Variants in GPN3 observed in about 807,000 individuals in gnomAD.
The protein encoded by GPN3 is GPN-loop GTPase 3.
A neutral mutation model predicts 38.7 loss-of-function variants in GPN3; 31 were observed. That is an observed-to-expected ratio of 0.80 (90% CI 0.60 to 1.08). GPN3 has a LOEUF of 1.08. GPN3 is among the 50% of genes least tolerant of loss of function. GPN3 has a pLI of 0.00. For missense variants in GPN3, 301 were observed against 354.4 expected (o/e 0.85, Z 1.21); for synonymous variants, 116 against 120.2 (o/e 0.96, Z 0.23).
In GPN3 at chr12:110,457,457, C is replaced by CAAAAAA. The variant is rs56713819; in HGVS notation, c.450+47_450+52dup. ...ACAGAGTAAGACTCTGTCACACACACAAAAAAAAAAAAAAAAAAAAAAAAA... is the reference window on the plus strand; with the variant it reads ...ACAGAGTAAGACTCTGTCACACACACAAAAAAAAAAAAAAAAAAAAAAAAAAAAAAA... On this transcript the variant is annotated intron_variant, in intron 4 of 7. Coordinates refer to ENST00000228827, the MANE Select transcript of GPN3 (RefSeq NM_016301.4). 11 of 590,738 alleles carry CAAAAAA rather than the reference C, an allele frequency of 1.9e-5. 1 individual carries two copies. Among genetic ancestry groups the CAAAAAA allele is most frequent in the Admixed American group, 5.9e-5 (1 of 17,052 alleles). 36.6% of individuals were successfully genotyped at this position (590,738 alleles called of 1,614,324 possible).
intron 2 of GPN3, chr12:110,460,899 G>C: frequency 1.4e-6 from 1 of 700,696 alleles, no homozygotes. Context: ...AGCAGGCAGA[G>C]GTTGCAGTGA....
Position 110,453,087 on chromosome 12 carries a change from C to CT in GPN3, c.801dup (p.Asp268ArgfsTer2), listed in dbSNP as rs1383023758. On this transcript the variant is annotated frameshift_variant, in exon 8 of 8. Coordinates refer to ENST00000228827, the MANE Select transcript of GPN3 (RefSeq NM_016301.4). LOFTEE classifies it high-confidence loss of function. ...TCGTCAAACATAGAGGAAGACTCAT[C>CT]TTCACGTTCCTGACACAATGGAAAC... 1 of 1,417,084 alleles carries CT rather than the reference C, an allele frequency of 7.1e-7. No individual in the cohort carries two copies. The allele number at this position is 1,417,084 out of a possible 1,614,324, so 87.8% of individuals were successfully genotyped here. A position where few individuals can be genotyped will look rare whatever the true frequency, so the allele number is the denominator to read the frequency against.
At chr12:110,467,516 T>C (rs926319875) in intron 1 of GPN3, among the ~76,000 whole-genome samples, 6 of 152,174 alleles carry the variant, frequency 3.9e-5, no homozygotes, top group African/African-American at 1.2e-4. Flanking sequence ...GCTCTGAGAC[T>C]AAGAACTGCT....
At chr12:110,464,839 C>T (rs1449731090) in intron 2 of GPN3, 15 of 384,898 alleles carry the variant, frequency 3.9e-5, no homozygotes, top group African/African-American at 2.5e-4. Context: ...GTGATCCACC[C>T]GCCTCGGCCT....
intron 3 of GPN3, 110 bp downstream of exon 3, chr12:110,459,585 A>G (rs1348004504): frequency 1.3e-6 from 1 of 773,602 alleles, no homozygotes; most frequent in East Asian, 2.5e-5. Context: ...TAAGCTTGGT[A>G]CTTTACTGCA....
Position 110,468,032 on chromosome 12 carries a change from G to A in GPN3, c.48+124C>T, listed in dbSNP as rs1592970673. 16 of 1,311,598 alleles carry A rather than the reference G, an allele frequency of 1.2e-5. No homozygotes were observed. In the South Asian group the frequency reaches 1.4e-4, roughly 12 times the overall value. 81.2% of individuals were successfully genotyped at this position (1,311,598 alleles called of 1,614,324 possible). A position where few individuals can be genotyped will look rare whatever the true frequency, so the allele number is the denominator to read the frequency against. ...AAAAAGAACGTGAAGCCAGACAGCA[G>A]AAATGAGTTGCGTGGGGTCTCAGGG... On this transcript the variant is annotated intron_variant, in intron 1 of 7. Coordinates refer to ENST00000228827, the MANE Select transcript of GPN3 (RefSeq NM_016301.4).
Position 110,452,882 on chromosome 12 carries a change from A to C in GPN3, c.*152T>G, listed in dbSNP as rs1034386841. The C allele has an allele frequency of 4.8e-6, 3 of 629,404 alleles. No homozygotes were observed. Among genetic ancestry groups the C allele is most frequent in the Non-Finnish European group, 8.7e-6 (3 of 345,974 alleles). 39.0% of individuals were successfully genotyped at this position (629,404 alleles called of 1,614,324 possible). On this transcript the variant is annotated 3_prime_UTR_variant, in exon 8 of 8. Coordinates refer to ENST00000228827, the MANE Select transcript of GPN3 (RefSeq NM_016301.4). ...AAACAGCAGCAGTTTCAGAATAATTAAAAATTTGATTCAGGCATGAGGCTG... is the reference window on the plus strand; with the variant it reads ...AAACAGCAGCAGTTTCAGAATAATTCAAAATTTGATTCAGGCATGAGGCTG...
In GPN3 at chr12:110,459,954, A is replaced by T. The variant is rs145339825; in HGVS notation, c.158-92T>A. The stretch of plus-strand genomic sequence containing the variant: ...AGAACATAAAAGTTAATAATTACAT[A>T]AAAAACCCATATGCAGGAAATTATT... On this transcript the variant is annotated intron_variant, in intron 2 of 7. Coordinates refer to ENST00000228827, the MANE Select transcript of GPN3 (RefSeq NM_016301.4). The T allele has an allele frequency of 4.1e-3, 4,368 of 1,053,996 alleles. 55 individuals are homozygous for T. The highest frequency in any genetic ancestry group is 0.021 in the South Asian group (1,417 of 66,262). 65.3% of individuals were successfully genotyped at this position (1,053,996 alleles called of 1,614,324 possible).
intron 2 of GPN3, among the ~76,000 whole-genome samples, chr12:110,463,751 C>A (rs1440487703): frequency 6.6e-6 from 1 of 150,448 alleles, no homozygotes; most frequent in African/African-American, 2.4e-5. Flanking sequence ...TCACTGCACT[C>A]CAGCCTGGGC....
intron 2 of GPN3, among the ~76,000 whole-genome samples, chr12:110,462,497 T>C (rs758783584): frequency 1.8e-4 from 27 of 152,240 alleles, no homozygotes; most frequent in Non-Finnish European, 3.4e-4. Flanking sequence ...GCAAAATATA[T>C]TGAATCTGTC....
intron 4 of GPN3, 135 bp from the exon 5 acceptor site, chr12:110,456,065 C>T (rs2062547487): frequency 1.0e-5 from 6 of 595,662 alleles, no homozygotes; most frequent in Non-Finnish European, 1.8e-5. Context: ...CGTGGTGGCT[C>T]ATGCCTGTAA....
At chr12:110,456,689 CT>C in intron 4 of GPN3, among the ~76,000 whole-genome samples, 1 of 147,042 alleles carries the variant, frequency 6.8e-6, no homozygotes, top group South Asian at 2.1e-4. Context: ...CCACTACTTC[CT>C]CTTTTTTTTT....
At chr12:110,463,606 C>CAAAAAAAAAAAAAAAAAAAAA (rs60072879) in intron 2 of GPN3, among the ~76,000 whole-genome samples, 4 of 64,286 alleles carry the variant, frequency 6.2e-5, no homozygotes, top group African/African-American at 2.0e-4. Context: ...CCTGTCTCTA[C>CAAAAAAAAAAAAAAAAAAAAA]AAAAAAAAAA....
intron 2 of GPN3, among the ~76,000 whole-genome samples, chr12:110,464,106 A>C (rs1362667697): frequency 6.6e-6 from 1 of 151,942 alleles, no homozygotes; most frequent in Admixed American, 6.6e-5. Flanking sequence ...AGTAGCTGGG[A>C]CTACAGGCAC....
chr12:110,464,801 G>T, intron 2 of GPN3: 1 of 316,134 alleles, frequency 3.2e-6, no homozygotes, highest in Non-Finnish European at 6.2e-6. Flanking sequence ...CACCATGTTG[G>T]TCAGGCTGGT....
At chr12:110,467,537 A>T (rs937749562) in intron 1 of GPN3, among the ~76,000 whole-genome samples, 1 of 152,222 alleles carries the variant, frequency 6.6e-6, no homozygotes, top group Admixed American at 6.5e-5. Flanking sequence ...CTCTGAAAAG[A>T]CCTGGGGATT....
Position 110,465,208 on chromosome 12 carries a change from A to G in GPN3, c.55T>C (p.Tyr19His). ...MGPAGSGKST[Y>H]CATMVQHCEA... The stretch of plus-strand genomic sequence containing the variant: ...CAGTGCTGGACCATGGTGGCACAGT[A>G]GGTGCTCTGTAATGTCACAAGGCAT... Residue 19 changes from tyrosine to histidine, a missense_variant, in exon 2 of 8, where the codon TAC becomes CAC. By Grantham distance (83) the Tyr-to-His change is moderately conservative. Transcript: ENST00000228827. 3.1e-6 allele frequency: 5 copies of G among 1,587,870 alleles called. No homozygotes were observed. Among genetic ancestry groups the G allele is most frequent in the Non-Finnish European group, 4.3e-6 (5 of 1,155,932 alleles).
chr12:110,458,875 T>C lies in GPN3; in HGVS notation c.325+820A>G, dbSNP rs549547425. Among the ~76,000 whole-genome samples the C allele has an allele frequency of 3.3e-5, 5 of 152,182 alleles. No individual in the cohort carries two copies. The highest frequency in any genetic ancestry group is 1.3e-4 in the Admixed American group (2 of 15,286). ...TCCTACCAGTCACACCTCATGACAA[T>C]TGCCTCTTTGTTTATTATGCTCCAG... On this transcript the variant is annotated intron_variant, in intron 3 of 7. Transcript: ENST00000228827. This position sits in a 1 kb window ranked among gnomAD's most constrained non-coding sequence, Gnocchi z 4.4.
intron 2 of GPN3, among the ~76,000 whole-genome samples, chr12:110,464,110 C>G (rs1290595358): frequency 1.3e-5 from 2 of 152,086 alleles, no homozygotes; most frequent in Admixed American, 6.6e-5. Context: ...GCTGGGACTA[C>G]AGGCACATGT....
Sources: allele counts gnomAD v4.1 joint callset (sites outside exome capture counted in the v4.1 genomes callset), GRCh38; gene constraint gnomAD v4.1.1; non-coding constraint Gnocchi (gnomAD v3.1); transcripts MANE v1.5; gene names NCBI Gene and HGNC (gene_info 2026-07-23, HGNC 2026-07-21).